Variants in JAZF1 observed in about 807,000 individuals in gnomAD.
JAZF1 encodes the protein juxtaposed with another zinc finger protein 1.
Under a neutral mutation model 26.4 loss-of-function variants are expected in JAZF1, and 8 were observed. The ratio of observed to expected loss-of-function variants is 0.30; its 90% CI spans 0.18 to 0.55. The LOEUF (loss-of-function observed/expected upper bound fraction) is 0.55. Ranked by LOEUF, JAZF1 falls within the 20% of genes least tolerant of loss-of-function variation. The probability of loss-of-function intolerance (pLI) is 0.94; values close to 1 mark genes in which losing one functional copy is unlikely to be tolerated. For missense variants in JAZF1, 199 were observed against 322.0 expected (o/e 0.62, Z 2.92); for synonymous variants, 126 against 122.3 (o/e 1.03, Z -0.20).
chr7:27,845,213 G>C (rs1034826814), intron 3 of JAZF1, among the ~76,000 whole-genome samples: 5 of 152,230 alleles, frequency 3.3e-5, no homozygotes, highest in African/African-American at 9.7e-5. Context: ...TGCAGTGTGA[G>C]AGTCACAGAA....
chr7:28,095,967 T>C (rs774761754), intron 1 of JAZF1, among the ~76,000 whole-genome samples: 3 of 152,206 alleles, frequency 2.0e-5, no homozygotes, highest in Non-Finnish European at 4.4e-5. Flanking sequence ...AGCACTAGCC[T>C]TTACTGGGCC....
chr7:28,034,216 A>G (rs1198155059), intron 1 of JAZF1, among the ~76,000 whole-genome samples: 2 of 152,136 alleles, frequency 1.3e-5, no homozygotes, highest in African/African-American at 2.4e-5. Context: ...ACACACACAC[A>G]CGAAGTTTAA....
chr7:28,180,415 A>G (rs1479824833), intron 1 of JAZF1, 48 bp downstream of exon 1: 2 of 1,060,564 alleles, frequency 1.9e-6, no homozygotes, highest in African/African-American at 1.7e-5. Context: ...CCGCCCGGGC[A>G]GGAGTTTCCG....
chr7:27,876,960 T>C (rs1232688677), intron 3 of JAZF1, among the ~76,000 whole-genome samples: 2 of 152,180 alleles, frequency 1.3e-5, no homozygotes, highest in East Asian at 1.9e-4. Flanking sequence ...GATGACTTTA[T>C]GGGGTTGTAT....
At chr7:27,956,494 G>A (rs1020908757) in intron 2 of JAZF1, among the ~76,000 whole-genome samples, 2 of 152,160 alleles carry the variant, frequency 1.3e-5, no homozygotes, top group Non-Finnish European at 1.5e-5. Flanking sequence ...CTCATGACTT[G>A]CTCATTATTA....
chr7:27,921,242 C>A (rs1784524039), intron 2 of JAZF1, among the ~76,000 whole-genome samples: 1 of 152,086 alleles, frequency 6.6e-6, no homozygotes, highest in South Asian at 2.1e-4. Context: ...GCTTTGCCCA[C>A]AATTCCTAGT....
chr7:27,978,702 A>G (rs1785518767), intron 2 of JAZF1, among the ~76,000 whole-genome samples: 2 of 152,256 alleles, frequency 1.3e-5, no homozygotes, highest in Non-Finnish European at 2.9e-5. Context: ...AATCAGGTAC[A>G]TATGAGAATT....
At chr7:27,997,051 T>C (rs756342080) in intron 1 of JAZF1, among the ~76,000 whole-genome samples, 5 of 152,078 alleles carry the variant, frequency 3.3e-5, no homozygotes, top group Non-Finnish European at 7.4e-5. Flanking sequence ...AATAAGTTAT[T>C]TGAACCAGTG....
chr7:28,026,153 T>C (rs934728265), intron 1 of JAZF1, among the ~76,000 whole-genome samples: 2 of 152,248 alleles, frequency 1.3e-5, no homozygotes, highest in African/African-American at 2.4e-5. Context: ...CTGGGTCTGG[T>C]TGCCCAGGCT....
At chr7:27,900,830 G>T (rs1583454912) in intron 2 of JAZF1, among the ~76,000 whole-genome samples, 1 of 152,052 alleles carries the variant, frequency 6.6e-6, no homozygotes, top group African/African-American at 2.4e-5. Flanking sequence ...GAAAAGAAAT[G>T]AAATAAAGGT....
intron 2 of JAZF1, among the ~76,000 whole-genome samples, chr7:27,948,569 T>C (rs1784956073): frequency 6.6e-6 from 1 of 152,218 alleles, no homozygotes; most frequent in South Asian, 2.1e-4. Context: ...TGTACACCCC[T>C]GTATTTTCTG....
intron 3 of JAZF1, among the ~76,000 whole-genome samples, chr7:27,860,076 C>T (rs1041867272): frequency 6.6e-6 from 1 of 152,078 alleles, no homozygotes; most frequent in Non-Finnish European, 1.5e-5. Context: ...CCAAGAGGAC[C>T]ATTGTTACTC....
intron 1 of JAZF1, among the ~76,000 whole-genome samples, chr7:28,135,611 T>C (rs115591402): frequency 9.0e-4 from 137 of 152,286 alleles, no homozygotes; most frequent in African/African-American, 3.2e-3. Flanking sequence ...TTTGAAACAC[T>C]GTTTTGAAAG....
chr7:28,025,446 G>C (rs371939261), intron 1 of JAZF1, among the ~76,000 whole-genome samples: 6 of 152,064 alleles, frequency 3.9e-5, no homozygotes, highest in African/African-American at 1.4e-4. Flanking sequence ...CACGGGAAAA[G>C]GTAAATAGAC....
intron 1 of JAZF1, among the ~76,000 whole-genome samples, chr7:28,124,058 T>C (rs1256005171): frequency 6.6e-6 from 1 of 152,140 alleles, no homozygotes; most frequent in Non-Finnish European, 1.5e-5. Flanking sequence ...AAAATTCAAA[T>C]ATTAAAGTCT....
intron 3 of JAZF1, among the ~76,000 whole-genome samples, chr7:27,890,933 G>A (rs1029161603): frequency 6.6e-6 from 1 of 151,992 alleles, no homozygotes; most frequent in African/African-American, 2.4e-5. Flanking sequence ...GGGATTACAG[G>A]CGTGAGCCAC....
At chr7:27,875,988 G>A (rs1364790813) in intron 3 of JAZF1, among the ~76,000 whole-genome samples, 3 of 152,188 alleles carry the variant, frequency 2.0e-5, no homozygotes, top group Non-Finnish European at 4.4e-5. Context: ...TTGCAGCAAG[G>A]CAGCCCTGGG....
At position 28,059,751 on chromosome 7, in the gene JAZF1, A is replaced by C. The variant is rs562849595; in HGVS notation, c.116-67770T>G. Among the ~76,000 whole-genome samples the C allele has an allele frequency of 7.9e-5, 12 of 152,310 alleles. 1 individual carries two copies. Among genetic ancestry groups the C allele is most frequent in the Middle Eastern group, 6.8e-3 (2 of 294 alleles). On this transcript the variant is annotated intron_variant, in intron 1 of 4. Transcript: ENST00000283928. ...GACAGATTTGGCTGAGCAAACAATT[A>C]CAGGCTAATTTTCTCTCTGTATTCT...
At chr7:28,033,282 G>T (rs1783224584) in intron 1 of JAZF1, among the ~76,000 whole-genome samples, 1 of 152,176 alleles carries the variant, frequency 6.6e-6, no homozygotes, top group African/African-American at 2.4e-5. Flanking sequence ...TAAAGAGGAA[G>T]ACCACAGATT....
Sources: allele counts gnomAD v4.1 joint callset (sites outside exome capture counted in the v4.1 genomes callset), GRCh38; gene constraint gnomAD v4.1.1; transcripts MANE v1.5; gene names NCBI Gene and HGNC (gene_info 2026-07-23, HGNC 2026-07-21).